GCNT1: variants seen among roughly 807,000 people sequenced by gnomAD.
GCNT1 encodes beta-1,3-galactosyl-O-glycosyl-glycoprotein beta-1,6-N-acetylglucosaminyltransferase.
Under a neutral mutation model 26.2 loss-of-function variants are expected in GCNT1, and 16 were observed. That is an observed-to-expected ratio of 0.61 (90% CI 0.41 to 0.93). GCNT1 has a LOEUF of 0.93. Ranked by LOEUF, GCNT1 falls within the 40% of genes least tolerant of loss-of-function variation. The pLI is 0.00. For missense variants in GCNT1, 477 were observed against 526.7 expected (o/e 0.91, Z 0.92); for synonymous variants, 183 against 190.8 (o/e 0.96, Z 0.34).
the GCNT1 span, among the ~76,000 whole-genome samples, chr9:76,395,276 A>T: frequency 6.6e-6 from 1 of 152,112 alleles, no homozygotes; most frequent in African/African-American, 2.4e-5. Context: ...GAAGTTTTTT[A>T]TTTATTTTTT....
At chr9:76,440,113 A>AG (rs1035731735), upstream of GCNT1, among the ~76,000 whole-genome samples, 2 of 152,048 alleles carry the variant, frequency 1.3e-5, no homozygotes, top group Admixed American at 6.6e-5. Flanking sequence ...ATAAAAAAAA[A>AG]AAAAAAGAAA....
chr9:76,427,964 A>G (rs1823278005), intron 1 of GCNT1, among the ~76,000 whole-genome samples: 1 of 152,156 alleles, frequency 6.6e-6, no homozygotes, highest in Non-Finnish European at 1.5e-5. Context: ...ACTGGGCAAC[A>G]GAGCAAGACT....
upstream of GCNT1, chr9:76,419,784 T>A (rs1564217946): frequency 6.6e-6 from 1 of 152,250 alleles, no homozygotes; most frequent in African/African-American, 2.4e-5. Context: ...TAAAATGTAC[T>A]GTCTAAAAAT....
intron 2 of GCNT1, among the ~76,000 whole-genome samples, chr9:76,490,578 T>C (rs975805262): frequency 6.6e-6 from 1 of 152,226 alleles, no homozygotes; most frequent in Non-Finnish European, 1.5e-5. Flanking sequence ...AACTTTACTT[T>C]TGTTGAAAAT....
Position 76,502,697 on chromosome 9 carries a change from A to G in GCNT1, c.316A>G (p.Arg106Gly). The change falls in exon 4 of 4, where the codon AGA (arginine) becomes GGA (glycine). Residue 106 changes from arginine (R) to glycine (G), a missense_variant. Coordinates refer to ENST00000376730, the MANE Select transcript of GCNT1 (RefSeq NM_001490.5). ...CAGTGACTGTTCTTCTTTCATCAAG[A>G]GACGCAAATATATTGTAGAACCCCT... ...MTSDCSSFIK[R>G]RKYIVEPLSK... The G allele has an allele frequency of 6.2e-7, 1 of 1,614,188 alleles. No homozygotes were observed. The highest frequency in any genetic ancestry group is 8.5e-7 in the Non-Finnish European group (1 of 1,180,000).
chr9:76,506,187 T>A lies in GCNT1; in HGVS notation c.*2519T>A, dbSNP rs953810140. On this transcript the variant is annotated 3_prime_UTR_variant, in exon 4 of 4. Coordinates refer to ENST00000376730, the MANE Select transcript of GCNT1 (RefSeq NM_001490.5). ...AGTGATTGGTGAGAAATATAGAAAT[T>A]ATTTAAATTACTTTATAGTAATTAT... 2 of 167,086 alleles carry A rather than the reference T, an allele frequency of 1.2e-5. No individual in the cohort carries two copies. Among genetic ancestry groups the A allele is most frequent in the African/African-American group, 4.8e-5 (2 of 41,464 alleles). The allele number at this position is 167,086 out of a possible 1,614,324, so 10.4% of individuals were successfully genotyped here. A position where few individuals can be genotyped will look rare whatever the true frequency, so the allele number is the denominator to read the frequency against.
At chr9:76,443,950 G>A (rs577290501) in intron 1 of GCNT1, among the ~76,000 whole-genome samples, 1,121 of 93,972 alleles carry the variant, frequency 0.012, 9 homozygotes, top group East Asian at 0.036. Context: ...AGGAAGGAAG[G>A]AAGGAAGGAA....
chr9:76,395,662 A>G, the GCNT1 span, among the ~76,000 whole-genome samples: 1 of 152,120 alleles, frequency 6.6e-6, no homozygotes, highest in African/African-American at 2.4e-5. Context: ...AAAGGGAAGA[A>G]AAGGGAAGGG....
upstream of GCNT1, among the ~76,000 whole-genome samples, chr9:76,458,468 C>T (rs188603139): frequency 1.5e-3 from 226 of 152,018 alleles, no homozygotes; most frequent in African/African-American, 5.2e-3. Context: ...AGGCGTGAGC[C>T]ACCGCGCCCG....
At chr9:76,478,341 G>C (rs937367313) in intron 2 of GCNT1, among the ~76,000 whole-genome samples, 2 of 152,106 alleles carry the variant, frequency 1.3e-5, no homozygotes, top group Admixed American at 6.5e-5. Flanking sequence ...AGAACTCCGG[G>C]CATGCCATCT....
chr9:76,490,446 G>A (rs186155453), intron 2 of GCNT1, among the ~76,000 whole-genome samples: 124 of 152,262 alleles, frequency 8.1e-4, no homozygotes, highest in African/African-American at 2.7e-3. Context: ...AACCCTATAC[G>A]TAGAGGTATT....
At chr9:76,495,856 A>G (rs1279108371) in intron 2 of GCNT1, among the ~76,000 whole-genome samples, 1 of 152,182 alleles carries the variant, frequency 6.6e-6, no homozygotes, top group Non-Finnish European at 1.5e-5. Context: ...ATATTTTTTT[A>G]ACATATTTTT....
chr9:76,406,582 TC>T, the GCNT1 span, among the ~76,000 whole-genome samples: 1 of 151,116 alleles, frequency 6.6e-6, no homozygotes, highest in Non-Finnish European at 1.5e-5. Context: ...GCACCTGTAG[TC>T]CCAGCTACTC....
chr9:76,465,898 G>A (rs1823982859), intron 2 of GCNT1, among the ~76,000 whole-genome samples: 1 of 152,196 alleles, frequency 6.6e-6, no homozygotes, highest in Non-Finnish European at 1.5e-5. Flanking sequence ...AACCATTATG[G>A]TGATTGAGAA....
At chr9:76,430,687 G>T (rs1416719096) in intron 1 of GCNT1, among the ~76,000 whole-genome samples, 1 of 151,128 alleles carries the variant, frequency 6.6e-6, no homozygotes, top group Non-Finnish European at 1.5e-5. Context: ...CACCTGGTTA[G>T]TCCTCTTTTT....
chr9:76,424,929 G>T (rs1823240901), intron 1 of GCNT1, among the ~76,000 whole-genome samples: 1 of 152,064 alleles, frequency 6.6e-6, no homozygotes, highest in African/African-American at 2.4e-5. Context: ...CATGATGTCA[G>T]GAGATTGAGA....
intron 1 of GCNT1, among the ~76,000 whole-genome samples, chr9:76,421,642 A>C (rs1587402926): frequency 3.1e-5 from 4 of 128,418 alleles, no homozygotes; most frequent in African/African-American, 5.7e-5. Flanking sequence ...AAAACAACCC[A>C]CACAATTTAA....
the GCNT1 span, chr9:76,398,563 C>A: frequency 1.5e-6 from 1 of 660,794 alleles, no homozygotes. Flanking sequence ...ATTGTGCTCA[C>A]TTATATTTAA....
Position 76,503,625 on chromosome 9 carries a change from A to C in GCNT1, c.1244A>C (p.Asp415Ala), listed in dbSNP as rs369853279. The C allele has an allele frequency of 6.2e-7, 1 of 1,613,984 alleles. No homozygotes were observed. The highest frequency in any genetic ancestry group is 1.3e-5 in the African/African-American group (1 of 74,936). Residue 415 changes from aspartate (D) to alanine (A), a missense_variant, in exon 4 of 4, where the codon GAT becomes GCT. Asp to Ala is a moderately radical substitution (Grantham distance 126, BLOSUM62 -2). Coordinates refer to ENST00000376730, the MANE Select transcript of GCNT1 (RefSeq NM_001490.5). ...DVDLFAIQCL[D>A]EHLRHKALET... Reference sequence around the variant, plus strand: ...GACCTCTTTGCCATCCAGTGTTTGGATGAGCATTTGAGACACAAAGCTTTG... The same window carrying C: ...GACCTCTTTGCCATCCAGTGTTTGGCTGAGCATTTGAGACACAAAGCTTTG...
Sources: gnomAD v4.1 joint callset for allele counts (sites outside exome capture counted in the v4.1 genomes callset) on GRCh38, gnomAD v4.1.1 for gene constraint, MANE v1.5 for transcripts, NCBI Gene and HGNC (gene_info 2026-07-23, HGNC 2026-07-21) for gene names.